Variants in CRTC3 observed in about 807,000 individuals in gnomAD.
The protein encoded by CRTC3 is CREB-regulated transcription coactivator 3.
In CRTC3, 26 loss-of-function variants were observed where a neutral mutation model predicts 74.5. The ratio of observed to expected loss-of-function variants is 0.35; its 90% confidence interval spans 0.26 to 0.48. The LOEUF (loss-of-function observed/expected upper bound fraction) is 0.48. CRTC3 is among the 20% of genes least tolerant of loss of function. CRTC3 has a pLI of 0.99. For synonymous variants in CRTC3, 377 were observed against 325.8 expected (o/e 1.16, Z -1.69); for missense variants, 760 against 787.3 (o/e 0.97, Z 0.41).
intron 1 of CRTC3, among the ~76,000 whole-genome samples, chr15:90,531,544 A>AAT (rs550315736): frequency 6.6e-6 from 1 of 152,242 alleles, no homozygotes; most frequent in African/African-American, 2.4e-5. Context: ...ATTGAGAAAA[A>AAT]ATATATATAT....
intron 2 of CRTC3, among the ~76,000 whole-genome samples, chr15:90,585,153 C>CT (rs1365773936): frequency 2.0e-5 from 3 of 151,968 alleles, no homozygotes; most frequent in Non-Finnish European, 4.4e-5. Flanking sequence ...TTTCATTTTT[C>CT]TTTTTTGAAA....
intron 2 of CRTC3, among the ~76,000 whole-genome samples, chr15:90,570,511 C>T (rs1202265237): frequency 6.6e-6 from 1 of 152,128 alleles, no homozygotes; most frequent in East Asian, 1.9e-4. Flanking sequence ...ACAATTTCTT[C>T]AGTAATACAT....
chr15:90,607,984 C>A (rs539153274), intron 6 of CRTC3, among the ~76,000 whole-genome samples: 7 of 152,270 alleles, frequency 4.6e-5, no homozygotes, highest in Admixed American at 4.6e-4. Flanking sequence ...GCTGACTCCC[C>A]CTGAGTGGCT....
chr15:90,541,938 C>T (rs1165500852), intron 2 of CRTC3, among the ~76,000 whole-genome samples: 1 of 151,810 alleles, frequency 6.6e-6, no homozygotes, highest in Non-Finnish European at 1.5e-5. Flanking sequence ...GCGTGCACTA[C>T]CACGCCCAGC....
intron 7 of CRTC3, 66 bp downstream of exon 7, chr15:90,614,554 A>T (rs1968440855): frequency 1.9e-6 from 2 of 1,033,952 alleles, no homozygotes. Context: ...ACCTTTCAAT[A>T]CCTTTACTAA....
At chr15:90,555,825 C>G (rs557073624) in intron 2 of CRTC3, among the ~76,000 whole-genome samples, 1 of 152,056 alleles carries the variant, frequency 6.6e-6, no homozygotes, top group Non-Finnish European at 1.5e-5. Flanking sequence ...GCCTCTTTTT[C>G]TTTTTTAGCT....
chr15:90,542,664 G>A (rs1365740535), intron 2 of CRTC3, among the ~76,000 whole-genome samples: 1 of 152,158 alleles, frequency 6.6e-6, no homozygotes, highest in Non-Finnish European at 1.5e-5. Context: ...TTCACCAAAT[G>A]TCCCCCTGCT....
At chr15:90,628,649 G>A (rs1333511264) in intron 10 of CRTC3, among the ~76,000 whole-genome samples, 2 of 152,126 alleles carry the variant, frequency 1.3e-5, no homozygotes. Context: ...TCCCTGAGTT[G>A]GTATAGACTG....
intron 2 of CRTC3, among the ~76,000 whole-genome samples, chr15:90,582,878 G>A (rs1267635507): frequency 6.6e-6 from 1 of 152,282 alleles, no homozygotes; most frequent in East Asian, 1.9e-4. Flanking sequence ...CAGGGTCAGG[G>A]AATGAACATG....
intron 11 of CRTC3, 49 bp from the exon 12 acceptor site, chr15:90,638,397 C>CG (rs1567197620): frequency 6.6e-7 from 1 of 1,517,910 alleles, no homozygotes; most frequent in Non-Finnish European, 9.1e-7. Context: ...AAGGACTTAA[C>CG]GCCAGAAACG....
rs533079401 is a variant in CRTC3, at chr15:90,581,309, A to G, written c.232-12327A>G. 2.6e-3 allele frequency among the ~76,000 whole-genome samples: 394 copies of G among 152,334 alleles called. 4 individuals carry two copies. The highest frequency in any genetic ancestry group is 9.0e-3 in the African/African-American group (375 of 41,566). On this transcript the variant is annotated intron_variant, in intron 2 of 14. Transcript: ENST00000268184. ...TCTTTTAAATAAAAAACAGGATGTAAGTTTTTTTAAAAATTCAATATGCTT... is the reference window on the plus strand; with the variant it reads ...TCTTTTAAATAAAAAACAGGATGTAGGTTTTTTTAAAAATTCAATATGCTT...
intron 2 of CRTC3, among the ~76,000 whole-genome samples, chr15:90,573,988 CT>C (rs1967339912): frequency 1.3e-5 from 2 of 152,146 alleles, no homozygotes; most frequent in African/African-American, 4.8e-5. Context: ...ATGTCTGTAC[CT>C]TGCTTGAATG....
In CRTC3 at chr15:90,540,063, C is replaced by T. The variant is rs898647383; in HGVS notation, c.157C>T (p.Leu53=). The T allele has an allele frequency of 6.2e-7, 1 of 1,613,646 alleles. No homozygotes were observed. Among genetic ancestry groups the T allele is most frequent in the South Asian group, 1.1e-5 (1 of 90,938 alleles). Residue 53 remains leucine (L), a synonymous_variant, in exon 2 of 15, where the codon CTG becomes TTG. Transcript: ENST00000268184. The part of the protein sequence containing the change: ...SRVQFQKLQQ[L]RLTQYHGGSL... ...GGTTCAATTTCAGAAGCTTCAGCAA[C>T]TGCGCCTTACACAGTACCATGGAGG... is the stretch of plus-strand genomic sequence containing the variant.
intron 11 of CRTC3, among the ~76,000 whole-genome samples, chr15:90,636,084 A>C (rs910818607): frequency 1.3e-5 from 2 of 151,030 alleles, no homozygotes; most frequent in Non-Finnish European, 2.9e-5. Flanking sequence ...ACCGAAAAAG[A>C]GCCCACATTG....
At position 90,643,655 on chromosome 15, in the gene CRTC3, T is replaced by C; in HGVS notation, c.*1515T>C. ...CTTCTCATAAAATAGATGGGCCAGATTTCCACCACCGCCTGCCTCCTCTAA... is the reference window on the plus strand; with the variant it reads ...CTTCTCATAAAATAGATGGGCCAGACTTCCACCACCGCCTGCCTCCTCTAA... On this transcript the variant is annotated 3_prime_UTR_variant, in exon 15 of 15. Coordinates refer to ENST00000268184, the MANE Select transcript of CRTC3 (RefSeq NM_022769.5). 4.3e-6 allele frequency: 1 copy of C among 230,174 alleles called. No individual in the cohort carries two copies. Among genetic ancestry groups the C allele is most frequent in the Non-Finnish European group, 8.5e-6 (1 of 117,554 alleles). 14.3% of individuals were successfully genotyped at this position (230,174 alleles called of 1,614,324 possible). A position where few individuals can be genotyped will look rare whatever the true frequency, so the allele number is the denominator to read the frequency against.
chr15:90,625,101 T>C (rs1369930783), intron 9 of CRTC3: 1 of 152,820 alleles, frequency 6.5e-6, no homozygotes, highest in Admixed American at 6.5e-5. Flanking sequence ...ACAAAGTTCA[T>C]GTAAGGGTTT....
intron 2 of CRTC3, among the ~76,000 whole-genome samples, chr15:90,552,746 C>A (rs1490795519): frequency 1.3e-5 from 2 of 152,232 alleles, no homozygotes; most frequent in Middle Eastern, 3.4e-3. Context: ...AGGCATGAGG[C>A]CTTGACCAAG....
At chr15:90,629,205 A>G (rs1968945546) in intron 10 of CRTC3, 29 bp from the exon 11 acceptor site, 1 of 1,591,616 alleles carries the variant, frequency 6.3e-7, no homozygotes, top group Non-Finnish European at 8.6e-7. Context: ...CTGAAATTAT[A>G]AGTAACTTGT....
At chr15:90,577,492 G>A (rs1234606777) in intron 2 of CRTC3, among the ~76,000 whole-genome samples, 1 of 152,180 alleles carries the variant, frequency 6.6e-6, no homozygotes, top group African/African-American at 2.4e-5. Flanking sequence ...TTCAGGTTTA[G>A]AAATTTAGTT....
Sources: gnomAD v4.1 joint callset for allele counts (sites outside exome capture counted in the v4.1 genomes callset) on GRCh38, gnomAD v4.1.1 for gene constraint, MANE v1.5 for transcripts, NCBI Gene and HGNC (gene_info 2026-07-23, HGNC 2026-07-21) for gene names.